The following NOSTRIN variants were observed in gnomAD, a reference collection of about 807,000 sequenced individuals.
The protein encoded by NOSTRIN is BM247 homolog.
A neutral mutation model predicts 59.0 loss-of-function variants in NOSTRIN; 63 were observed. The ratio of observed to expected loss-of-function variants is 1.07; its 90% confidence interval spans 0.87 to 1.32. The LOEUF (loss-of-function observed/expected upper bound fraction) is 1.32. Ranked by LOEUF, NOSTRIN falls within the 40% of genes most tolerant of loss-of-function variation. The pLI, the probability that NOSTRIN is intolerant of heterozygous loss-of-function variation, is 0.00. For missense variants in NOSTRIN, 512 were observed against 473.1 expected, an observed-to-expected ratio of 1.08 and a Z score of -0.76; for synonymous variants, 200 against 165.4, an observed-to-expected ratio of 1.21 and a Z score of -1.61.
At chr2:168,833,758 C>T (rs1316856218) in intron 6 of NOSTRIN, among the ~76,000 whole-genome samples, 1 of 152,154 alleles carries the variant, frequency 6.6e-6, no homozygotes, top group Non-Finnish European at 1.5e-5. Flanking sequence ...GCTTGGCCAT[C>T]AGGGAGCAGA....
At chr2:168,808,823 C>A (rs572785587) in intron 1 of NOSTRIN, among the ~76,000 whole-genome samples, 3 of 151,944 alleles carry the variant, frequency 2.0e-5, no homozygotes, top group African/African-American at 4.8e-5. Context: ...AGGATCCCAA[C>A]GGGGATTTAA....
intron 1 of NOSTRIN, among the ~76,000 whole-genome samples, chr2:168,803,867 A>C (rs2105518858): frequency 6.6e-6 from 1 of 152,218 alleles, no homozygotes; most frequent in East Asian, 1.9e-4. Context: ...TTTATCATTT[A>C]TTTTTCTCTC....
chr2:168,847,504 T>G (rs1006158616), intron 8 of NOSTRIN, among the ~76,000 whole-genome samples: 6 of 152,200 alleles, frequency 3.9e-5, no homozygotes, highest in African/African-American at 1.4e-4. Context: ...ATTTCTTTTA[T>G]CAGTTCTATG....
intron 15 of NOSTRIN, among the ~76,000 whole-genome samples, chr2:168,864,615 A>G (rs1689737886): frequency 6.6e-6 from 1 of 152,188 alleles, no homozygotes; most frequent in Non-Finnish European, 1.5e-5. Flanking sequence ...ATTTTATGAT[A>G]TATCTCAGTT....
rs778056340 is a variant in NOSTRIN at position 168,828,170 on chromosome 2, T to TGCCTGG, written c.221_226dup (p.Trp74_Ala75dup). 2.3e-6 allele frequency: 2 copies of TGCCTGG among 872,918 alleles called. No homozygotes were observed. The highest frequency in any genetic ancestry group is 1.7e-5 in the Admixed American group (1 of 59,186). 54.1% of individuals were successfully genotyped at this position (872,918 alleles called of 1,614,324 possible). Reference sequence around the variant, plus strand: ...TTTTTGCCTTTAGTTGTGTTAGCAGTGCCTGGGCCTGGGCCTCAGAGGGAA... The same window carrying TGCCTGG: ...TTTTTGCCTTTAGTTGTGTTAGCAGTGCCTGGGCCTGGGCCTGGGCCTCAGAGGGAA... On this transcript the variant is annotated inframe_insertion, in exon 4 of 16. Coordinates refer to ENST00000317647, the MANE Select transcript of NOSTRIN (RefSeq NM_001039724.4).
chr2:168,834,507 G>GCGCACGCACACA (rs756381301), intron 7 of NOSTRIN, among the ~76,000 whole-genome samples, 182 bp downstream of exon 7: 5 of 125,434 alleles, frequency 4.0e-5, no homozygotes, highest in African/African-American at 1.5e-4. Context: ...GCGCGCGCGC[G>GCGCACGCACACA]CACACACACA....
intron 7 of NOSTRIN, among the ~76,000 whole-genome samples, chr2:168,840,541 A>AAC (rs1473941956): frequency 6.8e-6 from 1 of 147,074 alleles, no homozygotes; most frequent in African/African-American, 2.5e-5. Context: ...AAAAAAAAAA[A>AAC]AAAAAAAAAA....
upstream of NOSTRIN, among the ~76,000 whole-genome samples, chr2:168,797,398 A>C (rs1056754746): frequency 6.6e-6 from 1 of 152,162 alleles, no homozygotes; most frequent in Non-Finnish European, 1.5e-5. Context: ...CACCCAGCCT[A>C]AACTAATACT....
At chr2:168,826,754 T>C (rs1205741315) in intron 3 of NOSTRIN, among the ~76,000 whole-genome samples, 1 of 152,244 alleles carries the variant, frequency 6.6e-6, no homozygotes, top group African/African-American at 2.4e-5. Context: ...CATGCAATAA[T>C]AAGCACCCAT....
intron 2 of NOSTRIN, among the ~76,000 whole-genome samples, chr2:168,791,943 C>T (rs886550877): frequency 1.3e-5 from 2 of 152,108 alleles, no homozygotes; most frequent in Non-Finnish European, 2.9e-5. Context: ...TGCCTGTTCA[C>T]TCTGATGGTA....
intron 2 of NOSTRIN, among the ~76,000 whole-genome samples, chr2:168,791,719 G>C (rs1428813051): frequency 6.7e-6 from 1 of 149,106 alleles, no homozygotes; most frequent in Non-Finnish European, 1.5e-5. Flanking sequence ...TTGTGGTTTT[G>C]ATTTGCATTT....
intron 15 of NOSTRIN, chr2:168,863,362 T>TCA: frequency 5.1e-6 from 5 of 971,438 alleles, no homozygotes; most frequent in Non-Finnish European, 6.1e-6. Flanking sequence ...GAGTTAATAA[T>TCA]TTCCTTTGTC....
chr2:168,837,748 C>T (rs1452211116), intron 7 of NOSTRIN, among the ~76,000 whole-genome samples: 2 of 152,178 alleles, frequency 1.3e-5, no homozygotes, highest in Non-Finnish European at 2.9e-5. Flanking sequence ...AATGTCTTCT[C>T]ATTGCTAAAG....
chr2:168,832,125 T>A (rs1371130814), intron 6 of NOSTRIN, among the ~76,000 whole-genome samples: 2 of 152,132 alleles, frequency 1.3e-5, no homozygotes, highest in East Asian at 3.8e-4. Flanking sequence ...ATTTCATGAG[T>A]ATGTGGGGTC....
At chr2:168,818,243 T>C in intron 2 of NOSTRIN, 1 of 437,198 alleles carries the variant, frequency 2.3e-6, no homozygotes, top group Non-Finnish European at 4.6e-6. Context: ...AGCCTCAGAC[T>C]CCTGTGCTCG....
At chr2:168,790,566 G>T (rs1559096384) in intron 2 of NOSTRIN, among the ~76,000 whole-genome samples, 2 of 152,330 alleles carry the variant, frequency 1.3e-5, no homozygotes, top group East Asian at 3.9e-4. Context: ...CATCAGATAA[G>T]TCCAAATTGA....
chr2:168,837,517 G>A (rs2105688874), intron 7 of NOSTRIN, among the ~76,000 whole-genome samples: 1 of 151,972 alleles, frequency 6.6e-6, no homozygotes, highest in East Asian at 1.9e-4. Flanking sequence ...CACCGAGTTA[G>A]CTAGGATAGT....
chr2:168,830,973 G>T (rs1396084590), intron 5 of NOSTRIN, among the ~76,000 whole-genome samples: 1 of 152,162 alleles, frequency 6.6e-6, no homozygotes, highest in Non-Finnish European at 1.5e-5. Context: ...TTGACACAGG[G>T]ATAAGATAAT....
intron 2 of NOSTRIN, among the ~76,000 whole-genome samples, chr2:168,789,670 G>A (rs778672376): frequency 1.3e-5 from 2 of 152,164 alleles, no homozygotes; most frequent in African/African-American, 2.4e-5. Context: ...ATGAAGTGGA[G>A]GTGCGGTTAA....
Sources: allele counts gnomAD v4.1 joint callset (sites outside exome capture counted in the v4.1 genomes callset), GRCh38; gene constraint gnomAD v4.1.1; transcripts MANE v1.5; gene names NCBI Gene and HGNC (gene_info 2026-07-23, HGNC 2026-07-21).